Variants in ANKRD40CL observed in about 807,000 individuals in gnomAD.
ANKRD40CL encodes the protein ANKRD40 C-terminal like, also known as putative ANKRD40 C-terminal-like protein.
For synonymous variants in ANKRD40CL, 5 were observed against 2.3 expected, an observed-to-expected ratio of 2.14 and a Z score of -1.04; for missense variants, 11 against 6.4, an observed-to-expected ratio of 1.71 and a Z score of -0.77.
intron 1 of ANKRD40CL, 111 bp from the exon 2 acceptor site, chr17:50,767,122 G>T: frequency 1.5e-6 from 1 of 677,038 alleles, no homozygotes; most frequent in Non-Finnish European, 2.7e-6. Context: ...ATTTGCACAG[G>T]GTGAGGCCAG....
At chr17:50,766,373 C>T (rs1393436460) in intron 2 of ANKRD40CL, among the ~76,000 whole-genome samples, 1 of 152,216 alleles carries the variant, frequency 6.6e-6, no homozygotes, top group East Asian at 1.9e-4. Flanking sequence ...AGCCCGAGAA[C>T]TTTCCCTGCC....
In ANKRD40CL at chr17:50,763,475, G is replaced by A. The variant is rs1003387093; in HGVS notation, c.123C>T (p.Asn41=). The A allele has an allele frequency of 2.5e-6, 1 of 399,002 alleles. No individual in the cohort carries two copies. Among genetic ancestry groups the A allele is most frequent in the Non-Finnish European group, 4.4e-6 (1 of 226,058 alleles). 24.7% of individuals were successfully genotyped at this position (399,002 alleles called of 1,614,324 possible). A position where few individuals can be genotyped will look rare whatever the true frequency, so the allele number is the denominator to read the frequency against. ...TAATCCCCAGTTCACAGCAACTCACGTTTAGTAGGTTTTGGTAACTCAGTT... is the reference window on the plus strand; with the variant it reads ...TAATCCCCAGTTCACAGCAACTCACATTTAGTAGGTTTTGGTAACTCAGTT... The part of the protein sequence containing the change: ...RQELSYQNLL[N]VSCCELGIKP... Residue 41 remains asparagine, a synonymous_variant, in exon 3 of 4, where the codon AAC becomes AAT. Transcript: ENST00000450727.
Position 50,766,701 on chromosome 17 carries a change from T to C in ANKRD40CL, c.40+173A>G, listed in dbSNP as rs1420662357. 7 of 536,490 alleles carry C rather than the reference T, an allele frequency of 1.3e-5. No individual in the cohort carries two copies. In the East Asian group the frequency reaches 1.7e-4, roughly 13 times the overall value. The allele number at this position is 536,490 out of a possible 1,614,324, so 33.2% of individuals were successfully genotyped here. A position where few individuals can be genotyped will look rare whatever the true frequency, so the allele number is the denominator to read the frequency against. On this transcript the variant is annotated intron_variant, in intron 2 of 3. Coordinates refer to ENST00000450727, the MANE Select transcript of ANKRD40CL (RefSeq NM_001358683.3). Reference sequence around the variant, plus strand: ...ATTTATTATAGCTATAGACACTTGCTTCCTTCTGAAAGGACCTTTGGTCTA... The same window carrying C: ...ATTTATTATAGCTATAGACACTTGCCTCCTTCTGAAAGGACCTTTGGTCTA...
Position 50,763,672 on chromosome 17 carries a change from G to A in ANKRD40CL, c.41-115C>T, listed in dbSNP as rs560204041. ...TACAGCATAAATAATCCTAAAAACT[G>A]AATGTTAAGTAGACATGGAGCTTTC... On this transcript the variant is annotated intron_variant, in intron 2 of 3. Transcript: ENST00000450727. 1.8e-5 allele frequency: 7 copies of A among 397,664 alleles called. No homozygotes were observed. The South Asian group carries it at 1.0e-3, about 57-fold the overall frequency. 24.6% of individuals were successfully genotyped at this position (397,664 alleles called of 1,614,324 possible).
chr17:50,767,194 G>A (rs1298082147), intron 1 of ANKRD40CL, 183 bp from the exon 2 acceptor site: 9 of 620,492 alleles, frequency 1.5e-5, no homozygotes, highest in East Asian at 3.3e-5. Flanking sequence ...ACTGGAAGAC[G>A]GTGCAGGCCG....
intron 2 of ANKRD40CL, chr17:50,764,742 G>A (rs1971267621): frequency 6.6e-6 from 1 of 152,216 alleles, no homozygotes; most frequent in Non-Finnish European, 1.5e-5. Flanking sequence ...CTTTGCACCA[G>A]GCACTGGGCT....
chr17:50,764,281 T>C, intron 2 of ANKRD40CL: 1 of 398,600 alleles, frequency 2.5e-6, no homozygotes, highest in Non-Finnish European at 4.4e-6. Flanking sequence ...GAAGGAGCAG[T>C]ACCTGACCAG....
In ANKRD40CL at chr17:50,761,138, CA is replaced by C. The variant is rs1971194176; in HGVS notation, c.*224del. 1 of 253,014 alleles carries C rather than the reference CA, an allele frequency of 4.0e-6. No homozygotes were observed. The highest frequency in any genetic ancestry group is 5.5e-5 in the Admixed American group (1 of 18,232). 15.7% of individuals were successfully genotyped at this position (253,014 alleles called of 1,614,324 possible). ...CACTGCAACCTCTGCCTCCTGGGTT[CA>C]GGTGATTCTCCTGCCTCAGCTTCCC... On this transcript the variant is annotated 3_prime_UTR_variant, in exon 4 of 4. Coordinates refer to ENST00000450727, the MANE Select transcript of ANKRD40CL (RefSeq NM_001358683.3).
At chr17:50,761,965 C>T (rs181451245) in intron 3 of ANKRD40CL, among the ~76,000 whole-genome samples, 251 of 151,312 alleles carry the variant, frequency 1.7e-3, no homozygotes, top group African/African-American at 5.5e-3. Context: ...GACAGGGTCT[C>T]GCTCTGTCAC....
chr17:50,763,503 T>C lies in ANKRD40CL; in HGVS notation c.95A>G (p.Gln32Arg). 1 of 399,106 alleles carries C rather than the reference T, an allele frequency of 2.5e-6. No individual in the cohort carries two copies. The highest frequency in any genetic ancestry group is 4.4e-6 in the Non-Finnish European group (1 of 226,072). 24.7% of individuals were successfully genotyped at this position (399,106 alleles called of 1,614,324 possible). A position where few individuals can be genotyped will look rare whatever the true frequency, so the allele number is the denominator to read the frequency against. The change falls in exon 3 of 4, where the codon CAA becomes CGA. Residue 32 changes from glutamine to arginine, a missense_variant. Coordinates refer to ENST00000450727, the MANE Select transcript of ANKRD40CL (RefSeq NM_001358683.3). Reference protein sequence around the residue: ...NDFIEIELKRQELSYQNLLNV... With the variant: ...NDFIEIELKRRELSYQNLLNV... ...TAGTAGGTTTTGGTAACTCAGTTCT[T>C]GTCTCTTCAGTTCAATTTCAATGAA... is the stretch of plus-strand genomic sequence containing the variant.
intron 1 of ANKRD40CL, 85 bp from the exon 2 acceptor site, chr17:50,767,096 T>C: frequency 1.5e-6 from 1 of 686,262 alleles, no homozygotes; most frequent in Non-Finnish European, 2.6e-6. Context: ...AAAAGGAGGC[T>C]GCAGCGTGTG....
In ANKRD40CL at chr17:50,763,490, G is replaced by A. The variant is rs1971241503; in HGVS notation, c.108C>T (p.Tyr36=). The change falls in exon 3 of 4, where the codon TAC becomes TAT. Residue 36 remains tyrosine, a synonymous_variant. Transcript: ENST00000450727. ...AGCAACTCACGTTTAGTAGGTTTTGGTAACTCAGTTCTTGTCTCTTCAGTT... is the reference window on the plus strand; with the variant it reads ...AGCAACTCACGTTTAGTAGGTTTTGATAACTCAGTTCTTGTCTCTTCAGTT... ...EIELKRQELS[Y]QNLLNVSCCE... 2 of 398,908 alleles carry A rather than the reference G, an allele frequency of 5.0e-6. No homozygotes were observed. Among genetic ancestry groups the A allele is most frequent in the African/African-American group, 4.1e-5 (2 of 48,622 alleles). The allele number at this position is 398,908 out of a possible 1,614,324, so 24.7% of individuals were successfully genotyped here. A position where few individuals can be genotyped will look rare whatever the true frequency, so the allele number is the denominator to read the frequency against.
In ANKRD40CL at chr17:50,761,049, T is replaced by TTTATTTATTTATTTAC. The variant is rs1971191545; in HGVS notation, c.*313_*314insGTAAATAAATAAATAA. On this transcript the variant is annotated 3_prime_UTR_variant, in exon 4 of 4. Transcript: ENST00000450727. ...CTGGGATTGATTATTTATTTATTTA[T>TTTATTTATTTATTTAC]TTATTTTGAGAGACAGAGTCTTGCT... 6.4e-6 allele frequency: 1 copy of TTTATTTATTTATTTAC among 155,552 alleles called. No individual in the cohort carries two copies. Among genetic ancestry groups the TTTATTTATTTATTTAC allele is most frequent in the African/African-American group, 2.4e-5 (1 of 41,374 alleles). 9.6% of individuals were successfully genotyped at this position (155,552 alleles called of 1,614,324 possible).
intron 3 of ANKRD40CL, among the ~76,000 whole-genome samples, chr17:50,762,401 G>C (rs79336031): frequency 0.039 from 5,948 of 152,162 alleles, 162 homozygotes; most frequent in Non-Finnish European, 0.058. Flanking sequence ...GGGCAATATA[G>C]CCAGACCCAT....
At chr17:50,762,877 T>C (rs1161433847) in intron 3 of ANKRD40CL, 2 of 151,898 alleles carry the variant, frequency 1.3e-5, no homozygotes, top group African/African-American at 2.4e-5. Context: ...AAGCCTTAAA[T>C]TGGGGAGTCA....
chr17:50,763,117 G>A (rs1023546654), intron 3 of ANKRD40CL: 2 of 275,538 alleles, frequency 7.3e-6, no homozygotes, highest in Non-Finnish European at 1.3e-5. Context: ...GGATAGTCTC[G>A]ATCTCTTGAC....
rs1291488357 is a variant in ANKRD40CL, at chr17:50,766,934, G to T, written c.-21C>A. ...GCCATGAGTCACCTCTAGTCCGTCA[G>T]ATGTGCAGCCCCTCTCGCATTTATG... is the stretch of plus-strand genomic sequence containing the variant. On this transcript the variant is annotated 5_prime_UTR_variant, in exon 2 of 4. The change creates a new upstream start codon in the 5' untranslated region. Transcript: ENST00000450727. 1.4e-6 allele frequency: 1 copy of T among 701,056 alleles called. No individual in the cohort carries two copies. Among genetic ancestry groups the T allele is most frequent in the Admixed American group, 2.0e-5 (1 of 49,902 alleles). The allele number at this position is 701,056 out of a possible 1,614,324, so 43.4% of individuals were successfully genotyped here.
Position 50,763,283 on chromosome 17 carries a change from C to T in ANKRD40CL, c.201+114G>A, listed in dbSNP as rs1041083275. 13 of 398,060 alleles carry T rather than the reference C, an allele frequency of 3.3e-5. No homozygotes were observed. The Admixed American group carries it at 4.8e-4, about 15-fold the overall frequency. The allele number at this position is 398,060 out of a possible 1,614,324, so 24.7% of individuals were successfully genotyped here. ...AAAATGACCTAGCTACCATGTTTGG[C>T]CGTTTTGCAGCCAGGATTTCTGGTG... On this transcript the variant is annotated intron_variant, in intron 3 of 3. Transcript: ENST00000450727.
At chr17:50,764,147 TA>T (rs1454099508) in intron 2 of ANKRD40CL, 2 of 398,584 alleles carry the variant, frequency 5.0e-6, no homozygotes, top group African/African-American at 4.1e-5. Flanking sequence ...CCTGGTCACA[TA>T]GGGGCTGAGT....
Sources: gnomAD v4.1 joint callset for allele counts (sites outside exome capture counted in the v4.1 genomes callset) on GRCh38, gnomAD v4.1.1 for gene constraint, MANE v1.5 for transcripts, NCBI Gene and HGNC (gene_info 2026-07-23, HGNC 2026-07-21) for gene names.